SCEL: variants seen among roughly 807,000 people sequenced by gnomAD.
SCEL encodes sciellin.
In SCEL, 113 loss-of-function variants were observed where a neutral mutation model predicts 117.6. That is an observed-to-expected ratio of 0.96 (90% CI 0.83 to 1.12). The LOEUF (loss-of-function observed/expected upper bound fraction) is 1.12. Among genes scored for constraint, SCEL ranks in the 50% most tolerant of loss-of-function variants. The pLI is 0.00. For synonymous variants in SCEL, 270 were observed against 256.2 expected (o/e 1.05, Z -0.51); for missense variants, 785 against 810.8 (o/e 0.97, Z 0.39).
intron 27 of SCEL, among the ~76,000 whole-genome samples, chr13:77,623,978 A>T (rs2089574181): frequency 6.6e-6 from 1 of 152,172 alleles, no homozygotes. Context: ...TCTGGAGGGC[A>T]GAAGTCCAAG....
At chr13:77,617,552 G>A (rs1222289313) in intron 24 of SCEL, 47 bp from the exon 25 acceptor site, 1 of 1,133,026 alleles carries the variant, frequency 8.8e-7, no homozygotes, top group Non-Finnish European at 1.3e-6. Flanking sequence ...CCTTAAACCT[G>A]TGATTATCTC....
At chr13:77,599,599 G>A in intron 14 of SCEL, 90 bp from the exon 15 acceptor site, 1 of 1,015,386 alleles carries the variant, frequency 9.8e-7, no homozygotes, top group Non-Finnish European at 1.6e-6. Flanking sequence ...AGCAATTCAT[G>A]GAGAATGTTT....
At chr13:77,608,021 T>C in intron 19 of SCEL, 35 bp from the exon 20 acceptor site, 1 of 1,526,084 alleles carries the variant, frequency 6.6e-7, no homozygotes, top group Non-Finnish European at 9.0e-7. Flanking sequence ...TTGTTACGTG[T>C]TGTCAATCTT....
At chr13:77,617,941 G>A (rs1343113905) in intron 26 of SCEL, 63 bp from the exon 27 acceptor site, 2 of 1,583,924 alleles carry the variant, frequency 1.3e-6, no homozygotes, top group Non-Finnish European at 1.7e-6. Flanking sequence ...TTGCTTTATT[G>A]ACCTAGCACA....
At chr13:77,569,877 C>T (rs2085497303) in intron 8 of SCEL, among the ~76,000 whole-genome samples, 1 of 152,148 alleles carries the variant, frequency 6.6e-6, no homozygotes, top group African/African-American at 2.4e-5. Flanking sequence ...AGACATCCAT[C>T]TGTATTTGTT....
chr13:77,557,178 C>CTTAGTTCCCAG lies in SCEL; in HGVS notation c.161+466_161+467insTAGTTCCCAGT, dbSNP rs1375208121. 3.9e-5 allele frequency among the ~76,000 whole-genome samples: 6 copies of CTTAGTTCCCAG among 152,288 alleles called. No individual in the cohort carries two copies. The South Asian group carries it at 1.0e-3, about 26-fold the overall frequency. On this transcript the variant is annotated intron_variant, in intron 3 of 32. Coordinates refer to ENST00000349847, the MANE Select transcript of SCEL (RefSeq NM_144777.3). ...AATTACCGACTTATTTTAGTTCCAT[C>CTTAGTTCCCAG]TACTTCTAAGTACTGGGAAGGTGGG...
intron 1 of SCEL, among the ~76,000 whole-genome samples, chr13:77,552,715 A>C (rs1015007309): frequency 5.7e-4 from 87 of 152,044 alleles, no homozygotes; most frequent in Non-Finnish European, 8.2e-4. Context: ...CCCATTTGTC[A>C]ATTTTGGCTT....
At chr13:77,609,619 C>T (rs2088488964) in intron 21 of SCEL, among the ~76,000 whole-genome samples, 1 of 152,226 alleles carries the variant, frequency 6.6e-6, no homozygotes, top group Admixed American at 6.5e-5. Context: ...TGGTAAGGCA[C>T]AGGCATTCTG....
intron 30 of SCEL, among the ~76,000 whole-genome samples, chr13:77,638,519 G>T (rs1012026751): frequency 3.9e-5 from 6 of 152,142 alleles, no homozygotes; most frequent in African/African-American, 1.2e-4. Context: ...CTCCATAAAA[G>T]TATTGCTGTT....
chr13:77,636,910 C>A (rs1162699254), intron 29 of SCEL, among the ~76,000 whole-genome samples: 1 of 152,080 alleles, frequency 6.6e-6, no homozygotes, highest in Non-Finnish European at 1.5e-5. Context: ...TTACCCTACT[C>A]TCTATTTATT....
At chr13:77,565,808 A>C (rs1294828927) in intron 5 of SCEL, among the ~76,000 whole-genome samples, 1 of 152,238 alleles carries the variant, frequency 6.6e-6, no homozygotes, top group Non-Finnish European at 1.5e-5. Flanking sequence ...TGTATGTAGC[A>C]TCCAGAGACA....
At position 77,613,840 on chromosome 13, in the gene SCEL, C is replaced by T. The variant is rs995992850; in HGVS notation, c.1389-53C>T. ...ATTGAATGACTTGCACCTGTCAAAA[C>T]AAAAAAGAAATGCCAGTATGAAATT... On this transcript the variant is annotated intron_variant, in intron 23 of 32. Transcript: ENST00000349847. 1.4e-5 allele frequency: 20 copies of T among 1,459,560 alleles called. No individual in the cohort carries two copies. In the East Asian group the frequency reaches 2.0e-4, roughly 15 times the overall value. The allele number at this position is 1,459,560 out of a possible 1,614,324, so 90.4% of individuals were successfully genotyped here.
intron 28 of SCEL, among the ~76,000 whole-genome samples, chr13:77,630,701 G>A (rs1567441052): frequency 6.6e-6 from 1 of 152,106 alleles, no homozygotes; most frequent in Non-Finnish European, 1.5e-5. Flanking sequence ...TACACTGTAG[G>A]GAACATTTTC....
At chr13:77,544,650 T>G (rs185290605) in intron 1 of SCEL, among the ~76,000 whole-genome samples, 1 of 152,046 alleles carries the variant, frequency 6.6e-6, no homozygotes, top group Non-Finnish European at 1.5e-5. Context: ...GGCAATTGGG[T>G]CACCTAATGG....
At chr13:77,542,814 T>G (rs933252552) in intron 1 of SCEL, among the ~76,000 whole-genome samples, 2 of 152,208 alleles carry the variant, frequency 1.3e-5, no homozygotes, top group East Asian at 1.9e-4. Context: ...AAAAGATAAT[T>G]CTTCTGTTTA....
At chr13:77,603,397 T>C (rs2087861416) in intron 18 of SCEL, among the ~76,000 whole-genome samples, 1 of 152,238 alleles carries the variant, frequency 6.6e-6, no homozygotes, top group African/African-American at 2.4e-5. Flanking sequence ...TTGAATTTCT[T>C]TGTGCCTAAA....
intron 1 of SCEL, among the ~76,000 whole-genome samples, chr13:77,544,998 G>A (rs531404792): frequency 6.6e-6 from 1 of 152,272 alleles, no homozygotes; most frequent in South Asian, 2.1e-4. Flanking sequence ...TCTCTCCTCA[G>A]ACTTTGACGT....
At chr13:77,602,155 T>C in intron 16 of SCEL, 31 bp downstream of exon 16, 4 of 1,572,532 alleles carry the variant, frequency 2.5e-6, no homozygotes, top group Non-Finnish European at 3.5e-6. Context: ...GATGGAGCTC[T>C]TTTTATTCAG....
intron 9 of SCEL, among the ~76,000 whole-genome samples, chr13:77,574,727 C>A (rs1013630573): frequency 6.6e-6 from 1 of 151,946 alleles, no homozygotes; most frequent in African/African-American, 2.4e-5. Context: ...ATCTTTGTTC[C>A]CAGAGGAGCC....
Sources: allele counts gnomAD v4.1 joint callset (sites outside exome capture counted in the v4.1 genomes callset), GRCh38; gene constraint gnomAD v4.1.1; transcripts MANE v1.5; gene names NCBI Gene and HGNC (gene_info 2026-07-23, HGNC 2026-07-21).